Variants in IGSF11 observed in about 807,000 individuals in gnomAD.
The protein encoded by IGSF11 is immunoglobulin superfamily member 11, also known as CXADR like 1.
Under a neutral mutation model 41.0 loss-of-function variants are expected in IGSF11, and 22 were observed. The observed-to-expected ratio is 0.54, with a 90% CI of 0.38 to 0.77. The LOEUF (loss-of-function observed/expected upper bound fraction) is 0.77. IGSF11 is among the 30% of genes least tolerant of loss of function. The pLI, the probability that IGSF11 is intolerant of heterozygous loss-of-function variation, is 0.00. For missense variants in IGSF11, 444 were observed against 530.8 expected (o/e 0.84, Z 1.61); for synonymous variants, 219 against 201.3 (o/e 1.09, Z -0.74).
At chr3:119,058,674 T>C (rs377724004) in intron 1 of IGSF11, among the ~76,000 whole-genome samples, 28 of 152,146 alleles carry the variant, frequency 1.8e-4, no homozygotes, top group African/African-American at 6.3e-4. Flanking sequence ...CATATGCACA[T>C]GTATGTTTAT....
intron 1 of IGSF11, among the ~76,000 whole-genome samples, chr3:119,092,848 T>TA (rs1328654364): frequency 6.6e-6 from 1 of 152,214 alleles, no homozygotes; most frequent in African/African-American, 2.4e-5. Context: ...ACCATTCTGA[T>TA]ACAATTGCCT....
Position 119,003,523 on chromosome 3 carries a change from G to A in IGSF11, c.52+31008C>T, listed in dbSNP as rs916732832. On this transcript the variant is annotated intron_variant, in intron 1 of 6. Coordinates refer to ENST00000393775, the MANE Select transcript of IGSF11 (RefSeq NM_001015887.3). ...TTCCAACACTATGTTGAATAGGAGC[G>A]GTAAGAGAGGGCATCCCTGTTTTCA... 1.5e-4 allele frequency among the ~76,000 whole-genome samples: 23 copies of A among 151,210 alleles called. 1 individual carries two copies. The highest frequency in any genetic ancestry group is 4.1e-4 in the South Asian group (2 of 4,824).
chr3:118,959,416 G>T (rs1340743733), intron 1 of IGSF11, among the ~76,000 whole-genome samples: 1 of 152,128 alleles, frequency 6.6e-6, no homozygotes, highest in African/African-American at 2.4e-5. Flanking sequence ...GCAAGGAAGT[G>T]GTACCATACT....
At chr3:119,017,868 T>C (rs1224812495) in intron 1 of IGSF11, among the ~76,000 whole-genome samples, 8 of 147,024 alleles carry the variant, frequency 5.4e-5, no homozygotes, top group Non-Finnish European at 1.1e-4. Context: ...CTGCAACCTC[T>C]GCCTCCTGGG....
intron 4 of IGSF11, among the ~76,000 whole-genome samples, chr3:118,920,943 C>G (rs1941717641): frequency 6.6e-6 from 1 of 152,182 alleles, no homozygotes; most frequent in Non-Finnish European, 1.5e-5. Flanking sequence ...CTTTGATATT[C>G]ATCAAGTACA....
chr3:118,938,423 T>C (rs1374005093), intron 1 of IGSF11, among the ~76,000 whole-genome samples: 2 of 152,194 alleles, frequency 1.3e-5, no homozygotes, highest in African/African-American at 4.8e-5. Flanking sequence ...TAACCCACTT[T>C]ACTCCATCAT....
chr3:118,927,954 G>A (rs1942476632), intron 3 of IGSF11, among the ~76,000 whole-genome samples: 1 of 151,602 alleles, frequency 6.6e-6, no homozygotes, highest in South Asian at 2.1e-4. Flanking sequence ...GCAATCTGGG[G>A]AAAAAAAACC....
In IGSF11 at chr3:118,904,740, G is replaced by C. The variant is rs1559868751; in HGVS notation, c.762C>G (p.Ile254Met). The C allele has an allele frequency of 6.2e-7, 1 of 1,613,608 alleles. No homozygotes were observed. The highest frequency in any genetic ancestry group is 2.2e-5 in the East Asian group (1 of 44,860). The change falls in exon 6 of 7, where the codon ATC (isoleucine) becomes ATG (methionine). Residue 254 changes from isoleucine to methionine, a missense_variant. By Grantham distance (10) the Ile-to-Met change is conservative. Coordinates refer to ENST00000393775, the MANE Select transcript of IGSF11 (RefSeq NM_001015887.3). ...AGAIGTGAVI[I>M]IFCIALILGA... ...CTAAAATTAGTGCAATGCAAAAAATGATAATAACTGCACCAGTGCCAATGG... is the reference window on the plus strand; with the variant it reads ...CTAAAATTAGTGCAATGCAAAAAATCATAATAACTGCACCAGTGCCAATGG...
At chr3:118,931,277 G>C (rs1200329318) in intron 1 of IGSF11, among the ~76,000 whole-genome samples, 1 of 152,126 alleles carries the variant, frequency 6.6e-6, no homozygotes, top group Admixed American at 6.5e-5. Context: ...TAACATACAA[G>C]TAGTCAGCAA....
intron 1 of IGSF11, among the ~76,000 whole-genome samples, chr3:119,111,908 T>C (rs1297371049): frequency 1.3e-5 from 2 of 152,220 alleles, no homozygotes; most frequent in Non-Finnish European, 1.5e-5. Context: ...GACCAGCGGA[T>C]TTTCGTGAAC....
intron 1 of IGSF11, among the ~76,000 whole-genome samples, chr3:119,115,121 T>G (rs2077237651): frequency 6.6e-6 from 1 of 152,220 alleles, no homozygotes; most frequent in Non-Finnish European, 1.5e-5. Context: ...CAATTCAATA[T>G]GAGATTTGGG....
At chr3:119,108,224 G>A, upstream of IGSF11, among the ~76,000 whole-genome samples, 1 of 151,414 alleles carries the variant, frequency 6.6e-6, no homozygotes, top group African/African-American at 2.4e-5. Flanking sequence ...CCATGAGCAT[G>A]GAATGTTCTT....
At chr3:118,916,815 C>T (rs1191154131) in intron 4 of IGSF11, among the ~76,000 whole-genome samples, 1 of 151,686 alleles carries the variant, frequency 6.6e-6, no homozygotes, top group African/African-American at 2.4e-5. Context: ...TTTTTTTCAG[C>T]ACCACACCAC....
chr3:119,015,770 T>C (rs548816196), intron 1 of IGSF11, among the ~76,000 whole-genome samples: 1 of 151,934 alleles, frequency 6.6e-6, no homozygotes, highest in Non-Finnish European at 1.5e-5. Flanking sequence ...AACTGTTTTA[T>C]AATGTTAAGA....
intron 1 of IGSF11, among the ~76,000 whole-genome samples, chr3:119,055,824 A>C (rs1456299938): frequency 6.6e-6 from 1 of 152,194 alleles, no homozygotes. Context: ...AACTCACTCA[A>C]AACAGCTCAA....
intron 1 of IGSF11, among the ~76,000 whole-genome samples, chr3:119,065,858 G>A (rs60402423): frequency 0.24 from 34,706 of 142,420 alleles, 4,972 homozygotes; most frequent in Middle Eastern, 0.38. Context: ...TAAAAGAATT[G>A]TGAAATATTT....
At chr3:119,099,801 T>C (rs1343387655) in intron 1 of IGSF11, among the ~76,000 whole-genome samples, 1 of 152,220 alleles carries the variant, frequency 6.6e-6, no homozygotes, top group Non-Finnish European at 1.5e-5. Context: ...TCCATGGTTT[T>C]AGAAAAACAT....
At chr3:119,127,703 C>T (rs901946211) in intron 1 of IGSF11, among the ~76,000 whole-genome samples, 6 of 152,164 alleles carry the variant, frequency 3.9e-5, no homozygotes, top group Non-Finnish European at 7.4e-5. Context: ...AACAGCAGAC[C>T]TCTCAGCAGA....
chr3:119,088,910 T>C (rs1165895593), intron 1 of IGSF11, among the ~76,000 whole-genome samples: 1 of 152,110 alleles, frequency 6.6e-6, no homozygotes, highest in African/African-American at 2.4e-5. Flanking sequence ...ACTGAAACCA[T>C]GAATAGACCA....
Sources: gnomAD v4.1 joint callset for allele counts (sites outside exome capture counted in the v4.1 genomes callset) on GRCh38, gnomAD v4.1.1 for gene constraint, MANE v1.5 for transcripts, NCBI Gene and HGNC (gene_info 2026-07-23, HGNC 2026-07-21) for gene names.